Variants in CDH15 observed in about 807,000 individuals in gnomAD.
CDH15 encodes cadherin-15.
A neutral mutation model predicts 69.4 loss-of-function variants in CDH15; 73 were observed. The observed-to-expected ratio is 1.05, with a 90% CI of 0.87 to 1.28. The LOEUF (loss-of-function observed/expected upper bound fraction) is 1.28, where lower values mean the gene tolerates loss of function less well. Among genes scored for constraint, CDH15 ranks in the 50% most tolerant of loss-of-function variants. The pLI is 0.00. For synonymous variants in CDH15, 624 were observed against 507.7 expected (o/e 1.23, Z -3.08); for missense variants, 1,343 against 1,133.6 (o/e 1.18, Z -2.65).
chr16:89,177,893 C>G (rs1284499474), intron 1 of CDH15, among the ~76,000 whole-genome samples: 4 of 152,048 alleles, frequency 2.6e-5, no homozygotes, highest in African/African-American at 9.7e-5. Flanking sequence ...TCCCCAGGCT[C>G]GGGGGTCCCA....
rs201161996 is a variant in CDH15, at chr16:89,188,241, C to G, written c.934C>G (p.Arg312Gly). 6.2e-7 allele frequency: 1 copy of G among 1,613,560 alleles called. No homozygotes were observed. Among genetic ancestry groups the G allele is most frequent in the Admixed American group, 1.7e-5 (1 of 59,994 alleles). Reference protein sequence around the residue: ...EGDPDGQFTIRTDPKTNEGVL... With the variant: ...EGDPDGQFTIGTDPKTNEGVL... ...CGACCCCGATGGGCAGTTCACCATC[C>G]GCACGGACCCCAAGACCAACGAGGG... Residue 312 changes from arginine to glycine, a missense_variant, in exon 7 of 14, where the codon CGC becomes GGC. Coordinates refer to ENST00000289746, the MANE Select transcript of CDH15 (RefSeq NM_004933.3).
chr16:89,173,549 G>A (rs955275899), intron 1 of CDH15, among the ~76,000 whole-genome samples: 2 of 152,128 alleles, frequency 1.3e-5, no homozygotes, highest in Admixed American at 1.3e-4. Context: ...GGGGACTATC[G>A]CCAAGGCTCA....
rs375740222 is a variant in CDH15 at position 89,195,112 on chromosome 16, C to T, written c.2402C>T (p.Ser801Phe). The change falls in exon 14 of 14, where the codon TCT becomes TTT. Residue 801 changes from serine to phenylalanine, a missense_variant. Physicochemically the swap from Ser to Phe is radical, Grantham distance 155. Transcript: ENST00000289746. Reference sequence around the variant, plus strand: ...GACCACCAGGCCAGGGAGGGTCTTTCTCCTGGGGCACTGCTACCCAGACAC... The same window carrying T: ...GACCACCAGGCCAGGGAGGGTCTTTTTCCTGGGGCACTGCTACCCAGACAC... ...RWDHQAREGL[S>F]PGALLPRHRG... 5.0e-6 allele frequency: 8 copies of T among 1,607,092 alleles called. No homozygotes were observed. In the African/African-American group the frequency reaches 6.7e-5, roughly 13 times the overall value.
chr16:89,187,209 G>A (rs1915510338), intron 5 of CDH15, among the ~76,000 whole-genome samples: 1 of 152,282 alleles, frequency 6.6e-6, no homozygotes, highest in Non-Finnish European at 1.5e-5. Context: ...CACAGTAGGT[G>A]TTCTGTAAAT....
intron 4 of CDH15, among the ~76,000 whole-genome samples, chr16:89,184,889 G>C (rs1301559283): frequency 6.6e-6 from 1 of 152,196 alleles, no homozygotes; most frequent in Non-Finnish European, 1.5e-5. Context: ...CCTGTGCTCC[G>C]ACCCCATAAA....
At position 89,195,399 on chromosome 16, in the gene CDH15, C is replaced by T. The variant is rs1915786999; in HGVS notation, c.*244C>T. 5.5e-6 allele frequency: 3 copies of T among 541,354 alleles called. No individual in the cohort carries two copies. The highest frequency in any genetic ancestry group is 9.8e-6 in the Non-Finnish European group (3 of 305,098). The allele number at this position is 541,354 out of a possible 1,614,324, so 33.5% of individuals were successfully genotyped here. ...CATGCGGGTCACCTCCCTAGTCCCA[C>T]CTTTGCCTCCTACCAGTGAACCTCA... On this transcript the variant is annotated 3_prime_UTR_variant, in exon 14 of 14. Transcript: ENST00000289746.
chr16:89,191,484 C>T lies in CDH15; in HGVS notation c.1375+12C>T, dbSNP rs373598626. On this transcript the variant is annotated intron_variant, in intron 9 of 13. Coordinates refer to ENST00000289746, the MANE Select transcript of CDH15 (RefSeq NM_004933.3). ...GGCCCAGGATGACGGTGAGCGGCGC[C>T]GCCGGCTTGGGGCTCCCTGACCTGG... The T allele has an allele frequency of 6.2e-6, 10 of 1,611,524 alleles. No homozygotes were observed. The highest frequency in any genetic ancestry group is 2.2e-5 in the East Asian group (1 of 44,874).
At chr16:89,185,705 C>T (rs1465517813) in intron 5 of CDH15, 1 of 350,690 alleles carries the variant, frequency 2.9e-6, no homozygotes, top group East Asian at 7.0e-5. Context: ...CCGGAAGACC[C>T]CCCTTGAGTC....
chr16:89,178,816 AG>A (rs1186925600), intron 1 of CDH15, among the ~76,000 whole-genome samples: 1 of 152,128 alleles, frequency 6.6e-6, no homozygotes, highest in Non-Finnish European at 1.5e-5. Flanking sequence ...GGAGAGGTGG[AG>A]GGGGACGGGC....
At chr16:89,173,336 T>G (rs73257999) in intron 1 of CDH15, among the ~76,000 whole-genome samples, 2 of 152,044 alleles carry the variant, frequency 1.3e-5, no homozygotes, top group Non-Finnish European at 2.9e-5. Context: ...TCCAGACCTC[T>G]TCCTTTGGAT....
At chr16:89,185,111 ACAATGCCCCCAGCCCATCGG>A (rs1254012148) in intron 4 of CDH15, 42 bp from the exon 5 acceptor site, 25 of 1,515,584 alleles carry the variant, frequency 1.6e-5, no homozygotes, top group Non-Finnish European at 1.9e-5. Context: ...CACGCCCCTC[ACAATGCCCCCAGCCCATCGG>A]CCCTGTGGAC....
chr16:89,195,248 G>T lies in CDH15; in HGVS notation c.*93G>T, dbSNP rs569834928. 577 of 1,328,258 alleles carry T rather than the reference G, an allele frequency of 4.3e-4. No individual in the cohort carries two copies. The highest frequency in any genetic ancestry group is 2.7e-3 in the South Asian group (176 of 65,792). 82.3% of individuals were successfully genotyped at this position (1,328,258 alleles called of 1,614,324 possible). ...TGAGGTCACCGGGCCCGACCCCCCT[G>T]GGCCTGGGGCAGCCTCCTTCCTGTA... On this transcript the variant is annotated 3_prime_UTR_variant, in exon 14 of 14. Coordinates refer to ENST00000289746, the MANE Select transcript of CDH15 (RefSeq NM_004933.3).
intron 1 of CDH15, among the ~76,000 whole-genome samples, chr16:89,172,845 G>T (rs1162579167): frequency 1.3e-5 from 2 of 152,202 alleles, no homozygotes; most frequent in African/African-American, 4.8e-5. Context: ...ATTCGAGAGA[G>T]AATGCACATA....
chr16:89,173,511 G>A (rs1270264428), intron 1 of CDH15, among the ~76,000 whole-genome samples: 1 of 152,184 alleles, frequency 6.6e-6, no homozygotes, highest in Non-Finnish European at 1.5e-5. Flanking sequence ...GGCTGGGGGA[G>A]GTGGTGGAGG....
intron 3 of CDH15, among the ~76,000 whole-genome samples, chr16:89,182,461 CA>C (rs1915401394): frequency 6.7e-6 from 1 of 149,822 alleles, no homozygotes; most frequent in Non-Finnish European, 1.5e-5. Context: ...GCCAACATGG[CA>C]AAACCCCATC....
At chr16:89,180,710 T>C (rs1915356498) in intron 3 of CDH15, among the ~76,000 whole-genome samples, 1 of 152,296 alleles carries the variant, frequency 6.6e-6, no homozygotes, top group South Asian at 2.1e-4. Flanking sequence ...GTGAAGAATC[T>C]CTAAATAGTG....
At chr16:89,192,509 C>G (rs1392906574) in intron 11 of CDH15, 65 bp downstream of exon 11, 2 of 1,536,834 alleles carry the variant, frequency 1.3e-6, no homozygotes, top group East Asian at 2.4e-5. Context: ...CAGGCCGTCC[C>G]CTGCTAACCA....
In CDH15 at chr16:89,171,874, GT is replaced by G; in HGVS notation, c.42+2del. 6.4e-7 allele frequency: 1 copy of G among 1,556,934 alleles called. No individual in the cohort carries two copies. The highest frequency in any genetic ancestry group is 8.7e-7 in the Non-Finnish European group (1 of 1,154,316). On this transcript the variant is annotated splice_donor_variant, in intron 1 of 13. Transcript: ENST00000289746. LOFTEE classifies it high-confidence loss of function. Reference sequence around the variant, plus strand: ...CCTCGTCCTCGGGCTGTTGGCCCAGGTAAGGCATCGGCACCTGCGGGGGTCC... The same window carrying G: ...CCTCGTCCTCGGGCTGTTGGCCCAGGAAGGCATCGGCACCTGCGGGGGTCC...
In CDH15 at chr16:89,183,533, T is replaced by C; in HGVS notation, c.358-15T>C. On this transcript the variant is annotated splice_polypyrimidine_tract_variant and intron_variant, in intron 3 of 13. Transcript: ENST00000289746. Reference sequence around the variant, plus strand: ...TGGGGGCCACAGAGCCAGCCCTTGCTCTATGTTTGAACAGCTAAGAGCGTT... The same window carrying C: ...TGGGGGCCACAGAGCCAGCCCTTGCCCTATGTTTGAACAGCTAAGAGCGTT... 6.2e-7 allele frequency: 1 copy of C among 1,614,016 alleles called. No homozygotes were observed. The highest frequency in any genetic ancestry group is 1.7e-5 in the Admixed American group (1 of 60,024).
Sources: gnomAD v4.1 joint callset for allele counts (sites outside exome capture counted in the v4.1 genomes callset) on GRCh38, gnomAD v4.1.1 for gene constraint, MANE v1.5 for transcripts, NCBI Gene and HGNC (gene_info 2026-07-23, HGNC 2026-07-21) for gene names.